Variants in DAG1 observed in about 807,000 individuals in gnomAD.
The protein encoded by DAG1 is dystroglycan 1, also known as dystroglycan 1 (dystrophin-associated glycoprotein 1).
DAG1 carries 8 observed loss-of-function variants against 46.1 expected under a neutral mutation model. That is an observed-to-expected ratio of 0.17 (90% CI 0.10 to 0.31). The LOEUF (loss-of-function observed/expected upper bound fraction) is 0.31, where lower values mean the gene tolerates loss of function less well. Among genes scored for constraint, DAG1 ranks in the 10% least tolerant of loss-of-function variants. The pLI is 1.00. For synonymous variants in DAG1, 495 were observed against 481.8 expected (o/e 1.03, Z -0.36); for missense variants, 1,003 against 1,189.9 (o/e 0.84, Z 2.31).
rs201202889 is a variant in DAG1 at position 49,478,802 on chromosome 3, CTTTTTTTTTTTTTTTTTT to C, written c.-117+8380_-117+8397del. Among the ~76,000 whole-genome samples the C allele has an allele frequency of 4.1e-4, 31 of 76,012 alleles. 1 individual carries two copies. The highest frequency in any genetic ancestry group is 3.9e-4 in the East Asian group (1 of 2,548). 49.9% of individuals were successfully genotyped at this position (76,012 alleles called of 152,430 possible). On this transcript the variant is annotated intron_variant, in intron 1 of 2. Coordinates refer to ENST00000308775, the MANE Select transcript of DAG1 (RefSeq NM_004393.6). ...TGAAAAGTCTCTTGTCGTCCCCTCCCTTTTTTTTTTTTTTTTTTTTTTTTTTTTGGATACAGAATCTTG... is the reference window on the plus strand; with the variant it reads ...TGAAAAGTCTCTTGTCGTCCCCTCCCTTTTTTTTTTGGATACAGAATCTTG...
chr3:49,477,755 A>G (rs968991653), intron 1 of DAG1, among the ~76,000 whole-genome samples: 5 of 152,114 alleles, frequency 3.3e-5, no homozygotes, highest in African/African-American at 9.6e-5. Context: ...TGAGGTCAGG[A>G]GTCTGAGACC....
intron 1 of DAG1, among the ~76,000 whole-genome samples, chr3:49,505,173 G>A (rs1435510353): frequency 6.6e-6 from 1 of 151,566 alleles, no homozygotes; most frequent in Admixed American, 6.6e-5. Context: ...GTAGAGATGA[G>A]GTCTTACTGT....
At chr3:49,485,861 A>G (rs2050011657) in intron 1 of DAG1, among the ~76,000 whole-genome samples, 4 of 151,564 alleles carry the variant, frequency 2.6e-5, no homozygotes, top group Admixed American at 2.0e-4. Context: ...TGGTCTTGTT[A>G]TGTTGCCCAG....
intron 1 of DAG1, among the ~76,000 whole-genome samples, chr3:49,489,798 G>A (rs943034751): frequency 2.6e-5 from 4 of 152,112 alleles, no homozygotes; most frequent in South Asian, 2.1e-4. Flanking sequence ...GTAAACTTGG[G>A]AGGGCTTGGG....
At chr3:49,485,960 C>T (rs2050014218) in intron 1 of DAG1, among the ~76,000 whole-genome samples, 1 of 151,968 alleles carries the variant, frequency 6.6e-6, no homozygotes, top group Non-Finnish European at 1.5e-5. Flanking sequence ...CATGCCCAGC[C>T]TGTTTTCTTG....
At chr3:49,519,906 C>T (rs2050985216) in intron 2 of DAG1, among the ~76,000 whole-genome samples, 1 of 152,168 alleles carries the variant, frequency 6.6e-6, no homozygotes, top group African/African-American at 2.4e-5. Context: ...TAGATGAGAA[C>T]AGTGAACATG....
intron 2 of DAG1, among the ~76,000 whole-genome samples, chr3:49,516,788 C>T (rs1381484391): frequency 6.6e-6 from 1 of 152,098 alleles, no homozygotes; most frequent in Non-Finnish European, 1.5e-5. Context: ...GAGCCTGATT[C>T]CTTTTTGTGG....
chr3:49,507,473 G>A (rs1165201671), intron 1 of DAG1, among the ~76,000 whole-genome samples: 1 of 152,106 alleles, frequency 6.6e-6, no homozygotes, highest in South Asian at 2.1e-4. Context: ...TGAGGCAGGA[G>A]AATTGTTTGA....
At chr3:49,490,513 G>A (rs552346043) in intron 1 of DAG1, among the ~76,000 whole-genome samples, 1 of 150,802 alleles carries the variant, frequency 6.6e-6, no homozygotes. Flanking sequence ...CTTTTTTTCT[G>A]AACCATCTAT....
intron 1 of DAG1, among the ~76,000 whole-genome samples, chr3:49,474,877 TCTCGC>T (rs1314406556): frequency 6.6e-6 from 1 of 150,894 alleles, no homozygotes; most frequent in Admixed American, 6.7e-5. Flanking sequence ...AGTGGCATGA[TCTCGC>T]CTCACTGCAA....
chr3:49,482,955 C>T (rs759098247), intron 1 of DAG1, among the ~76,000 whole-genome samples: 2 of 152,080 alleles, frequency 1.3e-5, no homozygotes, highest in Non-Finnish European at 2.9e-5. Flanking sequence ...GTCATAAACA[C>T]CTCTGTTAAT....
chr3:49,506,336 ATGAATGGTGATAGTGGACATTCTTTGCCT>A (rs2050607536), intron 1 of DAG1, among the ~76,000 whole-genome samples: 2 of 152,196 alleles, frequency 1.3e-5, no homozygotes, highest in African/African-American at 4.8e-5. Flanking sequence ...TATGTTGTAT[ATGAATGGTGATAGTGGACATTCTTTGCCT>A]TGTTTCTGTT....
intron 1 of DAG1, among the ~76,000 whole-genome samples, chr3:49,504,149 G>A (rs2050531967): frequency 6.6e-6 from 1 of 152,104 alleles, no homozygotes; most frequent in Non-Finnish European, 1.5e-5. Flanking sequence ...TTCACAGTCT[G>A]ACCCCCTTCT....
chr3:49,529,429 C>G (rs1055420289), intron 2 of DAG1, among the ~76,000 whole-genome samples: 1 of 152,160 alleles, frequency 6.6e-6, no homozygotes, highest in African/African-American at 2.4e-5. Flanking sequence ...TGCCTGGACA[C>G]CTGGGTACAA....
At chr3:49,485,891 C>T (rs1188512944) in intron 1 of DAG1, among the ~76,000 whole-genome samples, 2 of 151,954 alleles carry the variant, frequency 1.3e-5, no homozygotes, top group African/African-American at 4.8e-5. Context: ...AAACTCCTAG[C>T]CTCAGGTGAT....
chr3:49,491,468 G>A (rs2050182422), intron 1 of DAG1, among the ~76,000 whole-genome samples: 1 of 151,650 alleles, frequency 6.6e-6, no homozygotes, highest in Non-Finnish European at 1.5e-5. Context: ...CTGCCACTAT[G>A]TCCTGCTATT....
chr3:49,524,530 C>G (rs1408618427), intron 2 of DAG1, among the ~76,000 whole-genome samples: 2 of 151,812 alleles, frequency 1.3e-5, no homozygotes, highest in African/African-American at 2.4e-5. Flanking sequence ...AAATATTGGC[C>G]AGGCCTGGTT....
At chr3:49,520,161 C>G (rs1158194838) in intron 2 of DAG1, among the ~76,000 whole-genome samples, 3 of 152,234 alleles carry the variant, frequency 2.0e-5, no homozygotes, top group Non-Finnish European at 4.4e-5. Context: ...TGACCTTAAG[C>G]TAGAGGCTCT....
At chr3:49,512,668 A>C (rs923115288) in intron 2 of DAG1, among the ~76,000 whole-genome samples, 5 of 151,500 alleles carry the variant, frequency 3.3e-5, no homozygotes, top group African/African-American at 1.2e-4. Context: ...CAGCTAATTA[A>C]AAAAAAATTT....
Sources: gnomAD v4.1 joint callset for allele counts (sites outside exome capture counted in the v4.1 genomes callset) on GRCh38, gnomAD v4.1.1 for gene constraint, MANE v1.5 for transcripts, NCBI Gene and HGNC (gene_info 2026-07-23, HGNC 2026-07-21) for gene names.